ALDH1L2: variants seen among roughly 807,000 people sequenced by gnomAD.
ALDH1L2 encodes the protein aldehyde dehydrogenase 1 family member L2.
A neutral mutation model predicts 111.0 loss-of-function variants in ALDH1L2; 91 were observed. That is an observed-to-expected ratio of 0.82 (90% confidence interval 0.69 to 0.98). The LOEUF is 0.98. Among genes scored for constraint, ALDH1L2 ranks in the 50% least tolerant of loss-of-function variants. ALDH1L2 has a pLI of 0.00. For missense variants in ALDH1L2, 995 were observed against 1,126.8 expected (o/e 0.88, Z 1.67); for synonymous variants, 374 against 392.6 (o/e 0.95, Z 0.56).
chr12:105,053,796 A>G (rs1314629685), intron 10 of ALDH1L2, among the ~76,000 whole-genome samples: 2 of 151,844 alleles, frequency 1.3e-5, no homozygotes, highest in Non-Finnish European at 2.9e-5. Context: ...TGCTGAATGT[A>G]TAACACCTAA....
chr12:105,049,931 C>G lies in ALDH1L2; in HGVS notation c.1663G>C (p.Ala555Pro). 1 of 1,611,020 alleles carries G rather than the reference C, an allele frequency of 6.2e-7. No homozygotes were observed. Among genetic ancestry groups the G allele is most frequent in the South Asian group, 1.1e-5 (1 of 90,276 alleles). Residue 555 changes from alanine to proline, a missense_variant, in exon 13 of 23, where the codon GCT becomes CCT. Transcript: ENST00000258494. ...ACCTGAATTTTGTCGCACCAGCCAG[C>G]AAAATATCTGAATGTTTGCACAGAC... ...GMSVQTFRYF[A>P]GWCDKIQGST...
intron 11 of ALDH1L2, 120 bp downstream of exon 11, chr12:105,052,692 G>T: frequency 1.7e-6 from 2 of 1,205,890 alleles, no homozygotes; most frequent in Non-Finnish European, 2.3e-6. Flanking sequence ...ACATTTGTGT[G>T]AAGTACTTAG....
intron 10 of ALDH1L2, among the ~76,000 whole-genome samples, chr12:105,054,292 C>T (rs1018163769): frequency 6.6e-6 from 1 of 152,154 alleles, no homozygotes; most frequent in African/African-American, 2.4e-5. Context: ...AGAAGTACTT[C>T]TGGGACAGGA....
At chr12:105,049,451 G>A (rs1281149717) in intron 13 of ALDH1L2, 2 of 152,482 alleles carry the variant, frequency 1.3e-5, no homozygotes, top group Non-Finnish European at 2.9e-5. Flanking sequence ...TGCATGTGCT[G>A]GAAACTTAAC....
At chr12:105,053,908 G>C (rs1031879813) in intron 10 of ALDH1L2, among the ~76,000 whole-genome samples, 3 of 151,622 alleles carry the variant, frequency 2.0e-5, no homozygotes, top group Non-Finnish European at 4.4e-5. Flanking sequence ...TCAAGTAACA[G>C]AAGACGTATT....
chr12:105,033,298 A>G (rs1245498136), intron 19 of ALDH1L2, among the ~76,000 whole-genome samples: 2 of 152,220 alleles, frequency 1.3e-5, no homozygotes, highest in Admixed American at 1.3e-4. Flanking sequence ...CTGATATAGC[A>G]AATCCTTGAC....
At chr12:105,082,112 T>C (rs938883608) in intron 1 of ALDH1L2, among the ~76,000 whole-genome samples, 1 of 152,218 alleles carries the variant, frequency 6.6e-6, no homozygotes, top group Non-Finnish European at 1.5e-5. Context: ...GAGAATTGCT[T>C]GAACCCCGGA....
intron 12 of ALDH1L2, 130 bp from the exon 13 acceptor site, chr12:105,050,188 T>G (rs7485673): frequency 2.8e-5 from 23 of 836,234 alleles, no homozygotes; most frequent in Non-Finnish European, 3.8e-5. Flanking sequence ...CTTATAGAGA[T>G]CATGGTCCAG....
intron 6 of ALDH1L2, among the ~76,000 whole-genome samples, chr12:105,064,190 C>T (rs1877208272): frequency 8.4e-6 from 1 of 119,758 alleles, no homozygotes; most frequent in Non-Finnish European, 1.6e-5. Flanking sequence ...GCCATGTTGG[C>T]CAGGCTGATC....
intron 4 of ALDH1L2, among the ~76,000 whole-genome samples, chr12:105,068,192 A>G (rs1877487639): frequency 6.6e-6 from 1 of 152,162 alleles, no homozygotes; most frequent in African/African-American, 2.4e-5. Flanking sequence ...AAATGACATC[A>G]AAATTATCAG....
At chr12:105,058,263 G>C (rs1876765019) in intron 9 of ALDH1L2, 43 bp from the exon 10 acceptor site, 2 of 1,556,698 alleles carry the variant, frequency 1.3e-6, no homozygotes, top group Non-Finnish European at 1.7e-6. Context: ...ATTTTTAAAA[G>C]GGGTTAGGAA....
chr12:105,028,509 G>A (rs1262482055), intron 21 of ALDH1L2, among the ~76,000 whole-genome samples: 1 of 152,176 alleles, frequency 6.6e-6, no homozygotes, highest in Non-Finnish European at 1.5e-5. Flanking sequence ...GACAGTACAG[G>A]TTTCAGTGTA....
intron 7 of ALDH1L2, 141 bp downstream of exon 7, chr12:105,062,747 T>A: frequency 9.5e-7 from 1 of 1,051,618 alleles, no homozygotes; most frequent in Non-Finnish European, 1.3e-6. Flanking sequence ...GGGGCCCATC[T>A]TGAGACACCT....
chr12:105,043,783 AC>A (rs1287552346), intron 15 of ALDH1L2, among the ~76,000 whole-genome samples: 4 of 152,244 alleles, frequency 2.6e-5, no homozygotes, highest in African/African-American at 9.6e-5. Context: ...TTTGCATAAT[AC>A]ATGGGAAAGC....
chr12:105,074,047 A>T, intron 1 of ALDH1L2, 42 bp from the exon 2 acceptor site: 1 of 1,612,236 alleles, frequency 6.2e-7, no homozygotes, highest in Non-Finnish European at 8.5e-7. Flanking sequence ...CATGGATAGA[A>T]GACACTGGAT....
intron 6 of ALDH1L2, among the ~76,000 whole-genome samples, chr12:105,063,304 G>A (rs973343510): frequency 3.3e-5 from 5 of 151,994 alleles, no homozygotes; most frequent in African/African-American, 4.8e-5. Context: ...GTGAAACCCC[G>A]TCTCTACTAA....
chr12:105,049,956 C>T lies in ALDH1L2; in HGVS notation c.1638G>A (p.Met546Ile), dbSNP rs778546064. 16 of 1,612,698 alleles carry T rather than the reference C, an allele frequency of 9.9e-6. No individual in the cohort carries two copies. In the South Asian group the frequency reaches 1.8e-4, roughly 18 times the overall value. The change falls in exon 13 of 23, where the codon ATG becomes ATA. Residue 546 changes from methionine (M) to isoleucine (I), a missense_variant. Coordinates refer to ENST00000258494, the MANE Select transcript of ALDH1L2 (RefSeq NM_001034173.4). Reference sequence around the variant, plus strand: ...CAAAATATCTGAATGTTTGCACAGACATTCCAATGTGTGTCTTCAGGGCCA... The same window carrying T: ...CAAAATATCTGAATGTTTGCACAGATATTCCAATGTGTGTCTTCAGGGCCA... ...YTLALKTHIG[M>I]SVQTFRYFAG...
At position 105,050,218 on chromosome 12, in the gene ALDH1L2, A is replaced by T. The variant is rs1592783572; in HGVS notation, c.1536-160T>A. 7 of 582,706 alleles carry T rather than the reference A, an allele frequency of 1.2e-5. No individual in the cohort carries two copies. In the East Asian group the frequency reaches 2.4e-4, roughly 20 times the overall value. 36.1% of individuals were successfully genotyped at this position (582,706 alleles called of 1,614,324 possible). On this transcript the variant is annotated intron_variant, in intron 12 of 22. Coordinates refer to ENST00000258494, the MANE Select transcript of ALDH1L2 (RefSeq NM_001034173.4). Reference sequence around the variant, plus strand: ...GTCCAGTAGGCAAGAAAGACATTAAACAAATATTTTCATAAATCATTTGTT... The same window carrying T: ...GTCCAGTAGGCAAGAAAGACATTAATCAAATATTTTCATAAATCATTTGTT...
At chr12:105,063,494 A>G (rs1877139919) in intron 6 of ALDH1L2, among the ~76,000 whole-genome samples, 1 of 152,116 alleles carries the variant, frequency 6.6e-6, no homozygotes, top group Non-Finnish European at 1.5e-5. Flanking sequence ...AAAAAAAGAA[A>G]GAAAGAAAGA....
Sources: gnomAD v4.1 joint callset for allele counts (sites outside exome capture counted in the v4.1 genomes callset) on GRCh38, gnomAD v4.1.1 for gene constraint, MANE v1.5 for transcripts, NCBI Gene and HGNC (gene_info 2026-07-23, HGNC 2026-07-21) for gene names.